The following DISC1 variants were observed in gnomAD, a reference collection of about 807,000 sequenced individuals.
The protein encoded by DISC1 is disrupted in schizophrenia 1 protein.
In DISC1, 57 loss-of-function variants were observed where a neutral mutation model predicts 84.5. The observed-to-expected ratio is 0.67, with a 90% CI of 0.55 to 0.84. The LOEUF (loss-of-function observed/expected upper bound fraction) is 0.84, where lower values mean the gene tolerates loss of function less well. DISC1 is among the 40% of genes least tolerant of loss of function. DISC1 has a pLI of 0.00. For missense variants in DISC1, 1,000 were observed against 1,057.8 expected (o/e 0.95, Z 0.76); for synonymous variants, 411 against 415.2 (o/e 0.99, Z 0.12).
At chr1:231,877,982 A>C (rs1371980086) in intron 9 of DISC1, among the ~76,000 whole-genome samples, 2 of 152,278 alleles carry the variant, frequency 1.3e-5, no homozygotes, top group African/African-American at 4.8e-5. Flanking sequence ...ATGAACTCAA[A>C]TTGCAGCAGA....
intron 11 of DISC1, among the ~76,000 whole-genome samples, chr1:232,025,683 G>A (rs978126444): frequency 4.0e-5 from 6 of 149,054 alleles, no homozygotes; most frequent in South Asian, 2.1e-4. Context: ...TGCAAGCTCC[G>A]CCTCCTGGGT....
chr1:231,974,580 C>T (rs551156359), intron 10 of DISC1, among the ~76,000 whole-genome samples: 22 of 152,190 alleles, frequency 1.4e-4, no homozygotes, highest in Admixed American at 3.9e-4. Context: ...GCTTAACTTC[C>T]GTAATAAGAA....
At chr1:231,634,508 C>T (rs1232672568) in intron 1 of DISC1, among the ~76,000 whole-genome samples, 2 of 152,114 alleles carry the variant, frequency 1.3e-5, no homozygotes, top group Non-Finnish European at 2.9e-5. Context: ...AGCTGCAGGC[C>T]AAGCAAAATG....
intron 12 of DISC1, among the ~76,000 whole-genome samples, chr1:232,033,170 C>T (rs1670213350): frequency 1.3e-5 from 2 of 152,178 alleles, no homozygotes. Context: ...TCCTCTTCTT[C>T]TCAATAAAAT....
intron 9 of DISC1, among the ~76,000 whole-genome samples, chr1:231,860,540 G>A (rs1340370995): frequency 1.3e-5 from 2 of 152,136 alleles, no homozygotes; most frequent in Admixed American, 6.5e-5. Flanking sequence ...AATGTCTTAC[G>A]ATGTGTGTGT....
rs143990025 is a variant in DISC1, at chr1:231,849,871, G to A, written c.1981+31354G>A. Among the ~76,000 whole-genome samples the A allele has an allele frequency of 1.5e-3, 226 of 152,216 alleles. 3 individuals are homozygous for A. The highest frequency in any genetic ancestry group is 5.2e-3 in the African/African-American group (216 of 41,534). On this transcript the variant is annotated intron_variant, in intron 9 of 12. Transcript: ENST00000439617. ...AGACTGTAAGATTTTTAAGAGCAAG[G>A]ACTGGGTCTTATTTTTCATTTTGTT...
In DISC1 at chr1:231,630,771, C is replaced by T. The variant is rs1013486845; in HGVS notation, c.67+3837C>T. ...TTTTTAAAATTCCAGATGCTTTAGC[C>T]GTTCAGAATCCATTTTTTCTTTCAA... is the stretch of plus-strand genomic sequence containing the variant. On this transcript the variant is annotated intron_variant, in intron 1 of 12. Coordinates refer to ENST00000439617, the MANE Select transcript of DISC1 (RefSeq NM_018662.3). The surrounding 1 kb of genome is among the most constrained non-coding windows in gnomAD (Gnocchi z 4.4). 1.4e-4 allele frequency among the ~76,000 whole-genome samples: 21 copies of T among 152,122 alleles called. 1 individual carries two copies. Among genetic ancestry groups the T allele is most frequent in the Admixed American group, 1.1e-3 (17 of 15,278 alleles).
Position 232,039,948 on chromosome 1 carries a change from C to T in DISC1, c.*3117C>T, listed in dbSNP as rs936698389. ...TTTCTTTCACTGGCCTGAGTTAGGACATGCTATCAGTAATAGTCCCAGTTC... is the reference window on the plus strand; with the variant it reads ...TTTCTTTCACTGGCCTGAGTTAGGATATGCTATCAGTAATAGTCCCAGTTC... On this transcript the variant is annotated 3_prime_UTR_variant, in exon 13 of 13. Coordinates refer to ENST00000439617, the MANE Select transcript of DISC1 (RefSeq NM_018662.3). 4 of 129,822 alleles carry T rather than the reference C, an allele frequency of 3.1e-5. No individual in the cohort carries two copies. Among genetic ancestry groups the T allele is most frequent in the Admixed American group, 7.4e-5 (1 of 13,588 alleles). 8.0% of individuals were successfully genotyped at this position (129,822 alleles called of 1,614,324 possible).
At chr1:231,829,629 G>C (rs967013053) in intron 9 of DISC1, among the ~76,000 whole-genome samples, 1 of 152,202 alleles carries the variant, frequency 6.6e-6, no homozygotes. Context: ...TGGGATTACA[G>C]AGTGAGCCAC....
intron 9 of DISC1, among the ~76,000 whole-genome samples, chr1:231,933,524 A>G (rs935348225): frequency 6.6e-6 from 1 of 152,108 alleles, no homozygotes; most frequent in African/African-American, 2.4e-5. Flanking sequence ...TTTTCCCTCC[A>G]CATGCCTGGT....
chr1:232,009,437 A>G lies in DISC1; in HGVS notation c.2307+388A>G, dbSNP rs111511155. 0.035 allele frequency: 20,005 copies of G among 570,218 alleles called. 731 individuals are homozygous for G. The highest frequency in any genetic ancestry group is 0.16 in the African/African-American group (6,694 of 42,012). 35.3% of individuals were successfully genotyped at this position (570,218 alleles called of 1,614,324 possible). The stretch of plus-strand genomic sequence containing the variant: ...TTAACATATATACTATACATTATGT[A>G]TTGTATGTCATATATGATGTTTATA... On this transcript the variant is annotated intron_variant, in intron 11 of 12. Coordinates refer to ENST00000439617, the MANE Select transcript of DISC1 (RefSeq NM_018662.3). This position sits in a 1 kb window ranked among gnomAD's most constrained non-coding sequence, Gnocchi z 4.6.
rs200610198 is a variant in DISC1 at position 231,955,486 on chromosome 1, CTTT to C, written c.1982-3326_1982-3324del. Among the ~76,000 whole-genome samples the C allele has an allele frequency of 3.6e-3, 484 of 133,300 alleles. 3 individuals carry two copies. Among genetic ancestry groups the C allele is most frequent in the Middle Eastern group, 0.012 (3 of 248 alleles). 87.4% of individuals were successfully genotyped at this position (133,300 alleles called of 152,430 possible). A position where few individuals can be genotyped will look rare whatever the true frequency, so the allele number is the denominator to read the frequency against. On this transcript the variant is annotated intron_variant, in intron 9 of 12. Coordinates refer to ENST00000439617, the MANE Select transcript of DISC1 (RefSeq NM_018662.3). ...GGTAAAAATCTGTAGTCATTCTTGA[CTTT>C]TTTTTTTTTTTTTTTGGAAACAGAG...
intron 10 of DISC1, among the ~76,000 whole-genome samples, chr1:231,993,665 T>A (rs1374923707): frequency 6.6e-6 from 1 of 151,940 alleles, no homozygotes; most frequent in Non-Finnish European, 1.5e-5. Flanking sequence ...ACTAGAGGAG[T>A]TGAGGAGTTG....
intron 3 of DISC1, among the ~76,000 whole-genome samples, chr1:231,706,144 C>G (rs2067063788): frequency 6.6e-6 from 1 of 152,150 alleles, no homozygotes; most frequent in Admixed American, 6.5e-5. Context: ...TCCTTATATT[C>G]TTGCATAAGG....
chr1:231,773,514 A>G (rs1032283488), intron 6 of DISC1, among the ~76,000 whole-genome samples: 1 of 152,164 alleles, frequency 6.6e-6, no homozygotes, highest in Admixed American at 6.5e-5. Flanking sequence ...CCTCCTGAGT[A>G]GCTGGGACTA....
At position 231,896,651 on chromosome 1, in the gene DISC1, C is replaced by A. The variant is rs181558019; in HGVS notation, c.1982-62177C>A. On this transcript the variant is annotated intron_variant, in intron 9 of 12. Coordinates refer to ENST00000439617, the MANE Select transcript of DISC1 (RefSeq NM_018662.3). ...ATGTTGTATAAGTGGCTCAGGGACC[C>A]AAAATATCTTCTGTGGTGACCCTTG... Among the ~76,000 whole-genome samples the A allele has an allele frequency of 3.5e-4, 53 of 152,208 alleles. No individual in the cohort carries two copies. In the East Asian group the frequency reaches 7.9e-3, roughly 23 times the overall value.
chr1:231,710,885 A>G (rs1364017390), intron 3 of DISC1, among the ~76,000 whole-genome samples: 3 of 152,206 alleles, frequency 2.0e-5, no homozygotes, highest in African/African-American at 7.2e-5. Context: ...GGGGGATATA[A>G]TTTAGCCCAA....
At chr1:231,723,902 G>C (rs552192973) in intron 3 of DISC1, 2 of 985,380 alleles carry the variant, frequency 2.0e-6, no homozygotes, top group African/African-American at 3.5e-5. Context: ...GCCCAGTGCC[G>C]ATGTCTGGAC....
At chr1:231,849,310 G>C (rs1278212285) in intron 9 of DISC1, among the ~76,000 whole-genome samples, 1 of 152,038 alleles carries the variant, frequency 6.6e-6, no homozygotes, top group African/African-American at 2.4e-5. Flanking sequence ...AGTAGAGACG[G>C]GGTTTCTCCC....
Sources: gnomAD v4.1 joint callset for allele counts (sites outside exome capture counted in the v4.1 genomes callset) on GRCh38, gnomAD v4.1.1 for gene constraint, Gnocchi (gnomAD v3.1) non-coding constraint, MANE v1.5 for transcripts, NCBI Gene and HGNC (gene_info 2026-07-23, HGNC 2026-07-21) for gene names.